PIK3C2G: variants seen among roughly 807,000 people sequenced by gnomAD.
PIK3C2G encodes the protein phosphatidylinositol-4-phosphate 3-kinase catalytic subunit type 2 gamma.
A neutral mutation model predicts 181.1 loss-of-function variants in PIK3C2G; 168 were observed. The ratio of observed to expected loss-of-function variants is 0.93; its 90% CI spans 0.82 to 1.05. The LOEUF (loss-of-function observed/expected upper bound fraction) is 1.05. PIK3C2G is among the 50% of genes least tolerant of loss of function. PIK3C2G has a pLI of 0.00. For missense variants in PIK3C2G, 1,869 were observed against 1,732.8 expected (o/e 1.08, Z -1.40); for synonymous variants, 573 against 592.2 (o/e 0.97, Z 0.47).
intron 7 of PIK3C2G, among the ~76,000 whole-genome samples, chr12:18,323,423 A>C (rs1951195744): frequency 1.3e-5 from 2 of 152,200 alleles, no homozygotes; most frequent in Non-Finnish European, 2.9e-5. Context: ...ATTTAATCCC[A>C]TAGCCATGAC....
At chr12:18,591,036 T>C (rs1947050145) in intron 29 of PIK3C2G, among the ~76,000 whole-genome samples, 1 of 151,966 alleles carries the variant, frequency 6.6e-6, no homozygotes, top group African/African-American at 2.4e-5. Flanking sequence ...ATTGACTAGT[T>C]GTCAAAAGGC....
At chr12:18,250,300 C>A (rs1028839000) in intron 1 of PIK3C2G, among the ~76,000 whole-genome samples, 2 of 151,926 alleles carry the variant, frequency 1.3e-5, no homozygotes, top group Admixed American at 1.3e-4. Flanking sequence ...GAATTTTATT[C>A]CCAGTATAGC....
chr12:18,637,233 G>A (rs1194713837), intron 31 of PIK3C2G, among the ~76,000 whole-genome samples: 1 of 152,062 alleles, frequency 6.6e-6, no homozygotes, highest in Non-Finnish European at 1.5e-5. Flanking sequence ...AAGATTAACA[G>A]TATAAATTTT....
chr12:18,661,383 AGAG>A, the PIK3C2G span, among the ~76,000 whole-genome samples: 1 of 152,046 alleles, frequency 6.6e-6, no homozygotes, highest in Non-Finnish European at 1.5e-5. Flanking sequence ...AAAAAGAGAG[AGAG>A]AGAATCTTGA....
At chr12:18,313,023 C>T (rs984118556) in intron 5 of PIK3C2G, among the ~76,000 whole-genome samples, 12 of 151,976 alleles carry the variant, frequency 7.9e-5, no homozygotes, top group Non-Finnish European at 1.5e-4. Flanking sequence ...TTACAAGTAT[C>T]TAATATACTT....
At chr12:18,683,296 T>G in the PIK3C2G span, 1 of 1,612,514 alleles carries the variant, frequency 6.2e-7, no homozygotes. Flanking sequence ...TCTCACCCAT[T>G]CTGGAAAACA....
At chr12:18,384,433 T>G (rs1156410186) in intron 14 of PIK3C2G, among the ~76,000 whole-genome samples, 1 of 152,190 alleles carries the variant, frequency 6.6e-6, no homozygotes, top group Non-Finnish European at 1.5e-5. Context: ...ATATAAGTGA[T>G]CTTTCTTTAA....
intron 18 of PIK3C2G, among the ~76,000 whole-genome samples, chr12:18,452,192 G>T (rs578228460): frequency 9.2e-5 from 14 of 152,092 alleles, no homozygotes; most frequent in Admixed American, 7.9e-4. Context: ...CTGTCAATCT[G>T]TCTGGTCCTG....
intron 18 of PIK3C2G, among the ~76,000 whole-genome samples, chr12:18,433,558 A>G (rs1457744665): frequency 1.3e-5 from 2 of 152,132 alleles, no homozygotes; most frequent in South Asian, 2.1e-4. Flanking sequence ...TAAAACATTA[A>G]GTGTGCTCTT....
intron 29 of PIK3C2G, among the ~76,000 whole-genome samples, chr12:18,580,571 A>G (rs562568449): frequency 6.6e-6 from 1 of 152,326 alleles, no homozygotes; most frequent in South Asian, 2.1e-4. Flanking sequence ...TATGTGTACC[A>G]TCAGTAAAGC....
intron 16 of PIK3C2G, among the ~76,000 whole-genome samples, chr12:18,415,397 T>C (rs879812799): frequency 1.3e-5 from 2 of 152,202 alleles, no homozygotes; most frequent in Non-Finnish European, 2.9e-5. Context: ...GCACCCACAG[T>C]ACAGAGTGAA....
chr12:18,520,744 G>A (rs1413773066), intron 24 of PIK3C2G, among the ~76,000 whole-genome samples: 1 of 152,090 alleles, frequency 6.6e-6, no homozygotes, highest in African/African-American at 2.4e-5. Flanking sequence ...CCTCTGTCCA[G>A]TTCTGCACCC....
intron 1 of PIK3C2G, among the ~76,000 whole-genome samples, chr12:18,266,609 T>A (rs917569694): frequency 2.6e-5 from 4 of 152,254 alleles, no homozygotes; most frequent in African/African-American, 9.6e-5. Context: ...TGCACAAAGG[T>A]TTGTGAGCAC....
chr12:18,263,166 T>A (rs1237330204), intron 1 of PIK3C2G, among the ~76,000 whole-genome samples: 2 of 152,148 alleles, frequency 1.3e-5, no homozygotes, highest in Non-Finnish European at 2.9e-5. Context: ...CAACCTTATT[T>A]TTTATCTCAA....
At chr12:18,641,601 C>T (rs951815538) in intron 32 of PIK3C2G, among the ~76,000 whole-genome samples, 1 of 151,998 alleles carries the variant, frequency 6.6e-6, no homozygotes, top group African/African-American at 2.4e-5. Context: ...TTATTGTTTA[C>T]TGAAGTCACA....
the PIK3C2G span, among the ~76,000 whole-genome samples, chr12:18,689,924 G>A: frequency 6.6e-6 from 1 of 152,168 alleles, no homozygotes; most frequent in Non-Finnish European, 1.5e-5. Context: ...AGTGATAGAG[G>A]CAACAGAGAA....
At chr12:18,642,742 A>G (rs1398968622) in intron 32 of PIK3C2G, among the ~76,000 whole-genome samples, 1 of 151,918 alleles carries the variant, frequency 6.6e-6, no homozygotes, top group Non-Finnish European at 1.5e-5. Context: ...AGTTACCTCT[A>G]AAATGATGTG....
chr12:18,455,735 T>C (rs1947589787), intron 18 of PIK3C2G, among the ~76,000 whole-genome samples: 1 of 152,072 alleles, frequency 6.6e-6, no homozygotes, highest in Admixed American at 6.6e-5. Context: ...GGGATCTCTT[T>C]TATAAGGGCA....
At chr12:18,367,704 A>C (rs1941740624) in intron 12 of PIK3C2G, among the ~76,000 whole-genome samples, 1 of 151,752 alleles carries the variant, frequency 6.6e-6, no homozygotes, top group Non-Finnish European at 1.5e-5. Context: ...ACAGGCATGC[A>C]TGTGCCACCA....
Sources: allele counts gnomAD v4.1 joint callset (sites outside exome capture counted in the v4.1 genomes callset), GRCh38; gene constraint gnomAD v4.1.1; transcripts MANE v1.5; gene names NCBI Gene and HGNC (gene_info 2026-07-23, HGNC 2026-07-21).